Variants in CRISP1 observed in about 807,000 individuals in gnomAD.
CRISP1 encodes cysteine-rich secretory protein 1.
In CRISP1, 44 loss-of-function variants were observed where a neutral mutation model predicts 33.1. That is an observed-to-expected ratio of 1.33 (90% CI 1.05 to 1.71). CRISP1 has a LOEUF of 1.71. Ranked by LOEUF, CRISP1 falls within the 40% of genes most tolerant of loss-of-function variation. The pLI, the probability that CRISP1 is intolerant of heterozygous loss-of-function variation, is 0.00. For synonymous variants in CRISP1, 103 were observed against 98.7 expected, an observed-to-expected ratio of 1.04 and a Z score of -0.26; for missense variants, 390 against 301.2, an observed-to-expected ratio of 1.29 and a Z score of -2.18.
At chr6:49,858,789 T>C (rs2127476111) in intron 1 of CRISP1, among the ~76,000 whole-genome samples, 1 of 151,802 alleles carries the variant, frequency 6.6e-6, no homozygotes, top group Non-Finnish European at 1.5e-5. Flanking sequence ...ACAAAAAAGG[T>C]AAATAAAAGG....
At chr6:49,875,618 T>C (rs1772018375) in intron 1 of CRISP1, among the ~76,000 whole-genome samples, 1 of 152,094 alleles carries the variant, frequency 6.6e-6, no homozygotes, top group Non-Finnish European at 1.5e-5. Flanking sequence ...AGAACAAAGC[T>C]GGAGGCATCA....
chr6:49,871,505 A>G (rs996272793), upstream of CRISP1, among the ~76,000 whole-genome samples: 4 of 151,712 alleles, frequency 2.6e-5, no homozygotes, highest in African/African-American at 9.7e-5. Context: ...ATCTGTAAAC[A>G]GGTACACATT....
At chr6:49,861,881 TA>T (rs35015397) in intron 1 of CRISP1, among the ~76,000 whole-genome samples, 16,381 of 144,168 alleles carry the variant, frequency 0.11, 1,056 homozygotes, top group Non-Finnish European at 0.15. Context: ...CAAGACTCCA[TA>T]AAAAAAAAAA....
intron 3 of CRISP1, among the ~76,000 whole-genome samples, chr6:49,849,700 C>T (rs1226878101): frequency 2.0e-5 from 3 of 152,240 alleles, no homozygotes; most frequent in African/African-American, 7.2e-5. Context: ...GGAGGACACT[C>T]ATTTTCAGTG....
At position 49,846,715 on chromosome 6, in the gene CRISP1, T is replaced by G. The variant is rs749199173; in HGVS notation, c.287-47A>C. The G allele has an allele frequency of 3.2e-6, 5 of 1,578,688 alleles. No homozygotes were observed. In the East Asian group the frequency reaches 9.0e-5, roughly 28 times the overall value. On this transcript the variant is annotated intron_variant, in intron 4 of 7. Transcript: ENST00000335847. The stretch of plus-strand genomic sequence containing the variant: ...GGTCATACTCTGAACAAATGGGAAA[T>G]AGTATACAAGGAGACTTTCCTCATT...
intron 3 of CRISP1, among the ~76,000 whole-genome samples, chr6:49,851,732 C>T (rs1464374712): frequency 3.3e-5 from 5 of 152,144 alleles, no homozygotes; most frequent in African/African-American, 1.2e-4. Context: ...CTAAGTTCTT[C>T]AGGTGATTCT....
chr6:49,843,292 C>G (rs1052677910), intron 5 of CRISP1, among the ~76,000 whole-genome samples: 20 of 152,162 alleles, frequency 1.3e-4, no homozygotes, highest in Admixed American at 3.9e-4. Flanking sequence ...CTAAGTGTAT[C>G]AATCTTAAAA....
chr6:49,872,857 T>C (rs983741573), intron 1 of CRISP1, among the ~76,000 whole-genome samples: 1 of 152,148 alleles, frequency 6.6e-6, no homozygotes, highest in Non-Finnish European at 1.5e-5. Flanking sequence ...TTTGTTCTTT[T>C]GGCTTAGGAT....
At chr6:49,855,237 A>G (rs1172004148) in intron 2 of CRISP1, among the ~76,000 whole-genome samples, 3 of 151,772 alleles carry the variant, frequency 2.0e-5, no homozygotes, top group Non-Finnish European at 2.9e-5. Flanking sequence ...CCTCTCTCCC[A>G]CTCCGTGATC....
chr6:49,874,788 G>T (rs1018591745), intron 1 of CRISP1, among the ~76,000 whole-genome samples: 1 of 151,992 alleles, frequency 6.6e-6, no homozygotes, highest in African/African-American at 2.4e-5. Flanking sequence ...CACATAAGCA[G>T]AATTAAAGAC....
intron 1 of CRISP1, among the ~76,000 whole-genome samples, chr6:49,866,107 G>A (rs1181432104): frequency 6.6e-6 from 1 of 152,066 alleles, no homozygotes; most frequent in African/African-American, 2.4e-5. Flanking sequence ...TGAAATAAAA[G>A]ATGCCTACGT....
At chr6:49,849,288 C>A (rs900441951) in intron 3 of CRISP1, among the ~76,000 whole-genome samples, 1 of 152,166 alleles carries the variant, frequency 6.6e-6, no homozygotes, top group African/African-American at 2.4e-5. Context: ...AACCCACCAT[C>A]GGGCCCCGCA....
At position 49,834,268 on chromosome 6, in the gene CRISP1, T is replaced by TTTC. The variant is rs1360031923; in HGVS notation, c.*1045_*1047dup. ...AAGTGGGTGATGTCTTTTTTTTTTTTTTCAAACACTTTATTGAAATGAGTA... is the reference window on the plus strand; with the variant it reads ...AAGTGGGTGATGTCTTTTTTTTTTTTTTCTTCAAACACTTTATTGAAATGAGTA... On this transcript the variant is annotated 3_prime_UTR_variant, in exon 8 of 8. Coordinates refer to ENST00000335847, the MANE Select transcript of CRISP1 (RefSeq NM_001131.3). 1 of 152,018 alleles carries TTTC rather than the reference T, an allele frequency of 6.6e-6. No homozygotes were observed. Among genetic ancestry groups the TTTC allele is most frequent in the East Asian group, 1.9e-4 (1 of 5,192 alleles). 9.4% of individuals were successfully genotyped at this position (152,018 alleles called of 1,614,324 possible).
intron 1 of CRISP1, among the ~76,000 whole-genome samples, chr6:49,876,511 T>C (rs1772038886): frequency 6.6e-6 from 1 of 152,028 alleles, no homozygotes; most frequent in Non-Finnish European, 1.5e-5. Context: ...GAAATACCCT[T>C]TGACCCAGCA....
Position 49,834,819 on chromosome 6 carries a change from A to T in CRISP1, c.*497T>A, listed in dbSNP as rs530758124. The T allele has an allele frequency of 6.6e-6, 1 of 152,522 alleles. No individual in the cohort carries two copies. The highest frequency in any genetic ancestry group is 1.9e-4 in the East Asian group (1 of 5,190). The allele number at this position is 152,522 out of a possible 1,614,324, so 9.4% of individuals were successfully genotyped here. ...ACAATGAGACATTTAAACTACTTCC[A>T]ATTAAATGATATTTACCTTGCAAGA... is the stretch of plus-strand genomic sequence containing the variant. On this transcript the variant is annotated 3_prime_UTR_variant, in exon 8 of 8. Transcript: ENST00000335847.
chr6:49,838,827 C>T (rs1302269852), intron 6 of CRISP1, among the ~76,000 whole-genome samples: 5 of 152,072 alleles, frequency 3.3e-5, no homozygotes, highest in Non-Finnish European at 7.4e-5. Flanking sequence ...CAAGGGGACT[C>T]ACAAGCAAGA....
chr6:49,846,166 A>T (rs1310340525), intron 5 of CRISP1, among the ~76,000 whole-genome samples: 1 of 152,206 alleles, frequency 6.6e-6, no homozygotes, highest in Non-Finnish European at 1.5e-5. Context: ...TTTTAAATGT[A>T]TATCTTACCA....
intron 1 of CRISP1, among the ~76,000 whole-genome samples, chr6:49,859,197 G>A (rs1771577235): frequency 6.6e-6 from 1 of 151,906 alleles, no homozygotes; most frequent in African/African-American, 2.4e-5. Flanking sequence ...TGGGTCCCAC[G>A]GGTTTCACAC....
intron 2 of CRISP1, among the ~76,000 whole-genome samples, chr6:49,855,989 C>A (rs532172880): frequency 2.0e-5 from 3 of 152,112 alleles, no homozygotes; most frequent in African/African-American, 7.2e-5. Context: ...ATTTTATGAC[C>A]AAACTATCTA....
Sources: allele counts gnomAD v4.1 joint callset (sites outside exome capture counted in the v4.1 genomes callset), GRCh38; gene constraint gnomAD v4.1.1; transcripts MANE v1.5; gene names NCBI Gene and HGNC (gene_info 2026-07-23, HGNC 2026-07-21).